AGMO: variants seen among roughly 807,000 people sequenced by gnomAD.
AGMO encodes the protein alkylglycerol monooxygenase, also known as glyceryl-ether monooxygenase.
A neutral mutation model predicts 60.2 loss-of-function variants in AGMO; 75 were observed. The ratio of observed to expected loss-of-function variants is 1.25; its 90% CI spans 1.03 to 1.51. The LOEUF is 1.51. Among genes scored for constraint, AGMO ranks in the 40% most tolerant of loss-of-function variants. AGMO has a pLI of 0.00. For missense variants in AGMO, 763 were observed against 525.5 expected (o/e 1.45, Z -4.42); for synonymous variants, 261 against 177.1 (o/e 1.47, Z -3.76).
At chr7:15,534,572 C>A (rs964784710) in intron 3 of AGMO, among the ~76,000 whole-genome samples, 3 of 151,824 alleles carry the variant, frequency 2.0e-5, no homozygotes, top group African/African-American at 7.2e-5. Context: ...TCTGTGACAA[C>A]TAAAACGTTC....
At chr7:15,393,108 C>G (rs565524342) in intron 6 of AGMO, among the ~76,000 whole-genome samples, 1 of 152,194 alleles carries the variant, frequency 6.6e-6, no homozygotes, top group African/African-American at 2.4e-5. Context: ...AATCATAAAT[C>G]AAGGACTTTC....
chr7:15,195,703 G>C (rs763567133), downstream of AGMO, among the ~76,000 whole-genome samples: 4 of 152,102 alleles, frequency 2.6e-5, no homozygotes, highest in Non-Finnish European at 4.4e-5. Flanking sequence ...ACTGCAGCTT[G>C]ATTTTACAGA....
chr7:15,241,134 C>T (rs1782574788), intron 12 of AGMO, among the ~76,000 whole-genome samples: 1 of 152,112 alleles, frequency 6.6e-6, no homozygotes, highest in Admixed American at 6.6e-5. Context: ...TGCGCTCACT[C>T]TGGTAGGTAT....
At chr7:15,250,182 C>G (rs537174403) in intron 12 of AGMO, among the ~76,000 whole-genome samples, 5 of 152,216 alleles carry the variant, frequency 3.3e-5, no homozygotes, top group Admixed American at 3.3e-4. Context: ...CCTAGTTGAT[C>G]CCTATAAATG....
At chr7:15,281,382 T>TG (rs531237730) in intron 12 of AGMO, among the ~76,000 whole-genome samples, 212 of 152,264 alleles carry the variant, frequency 1.4e-3, no homozygotes, top group African/African-American at 4.8e-3. Flanking sequence ...CTTCAGGGTG[T>TG]GGCTGCATCT....
At chr7:15,315,731 C>T (rs1780904084) in intron 12 of AGMO, among the ~76,000 whole-genome samples, 1 of 152,058 alleles carries the variant, frequency 6.6e-6, no homozygotes, top group Non-Finnish European at 1.5e-5. Context: ...ATGAGTTACT[C>T]TGGTTGCATA....
the AGMO span, among the ~76,000 whole-genome samples, chr7:15,144,151 C>G: frequency 6.6e-5 from 10 of 152,068 alleles, no homozygotes; most frequent in Admixed American, 4.6e-4. Flanking sequence ...ACCTGTCAGA[C>G]CAGAAAGGCA....
chr7:15,560,512 A>T (rs1057266680), intron 1 of AGMO, among the ~76,000 whole-genome samples: 1 of 152,176 alleles, frequency 6.6e-6, no homozygotes, highest in Non-Finnish European at 1.5e-5. Context: ...GTAATCATAG[A>T]TATAACCACG....
intron 3 of AGMO, among the ~76,000 whole-genome samples, chr7:15,438,025 T>C (rs1781448582): frequency 6.6e-6 from 1 of 152,152 alleles, no homozygotes; most frequent in Admixed American, 6.6e-5. Flanking sequence ...TTTTAAGTTC[T>C]AGTATGCAGA....
intron 12 of AGMO, among the ~76,000 whole-genome samples, chr7:15,283,348 A>G (rs371832826): frequency 1.6e-4 from 25 of 152,062 alleles, no homozygotes; most frequent in African/African-American, 6.0e-4. Context: ...TTCATCTAAC[A>G]TATAAAGATT....
At chr7:15,389,704 C>T (rs1472462711) in intron 8 of AGMO, among the ~76,000 whole-genome samples, 1 of 152,152 alleles carries the variant, frequency 6.6e-6, no homozygotes, top group African/African-American at 2.4e-5. Flanking sequence ...TTACAGCTAA[C>T]AAGTTTTCAA....
At chr7:15,344,063 A>G (rs75674922) in intron 12 of AGMO, among the ~76,000 whole-genome samples, 12,412 of 152,234 alleles carry the variant, frequency 0.082, 651 homozygotes, top group Non-Finnish European at 0.1. Context: ...GGGGATTGAT[A>G]TAAATTAAAA....
chr7:15,532,402 T>A (rs1784392405), intron 3 of AGMO, among the ~76,000 whole-genome samples: 1 of 152,218 alleles, frequency 6.6e-6, no homozygotes, highest in African/African-American at 2.4e-5. Flanking sequence ...TTGGGCAAGT[T>A]GCTTAAATTT....
At chr7:15,353,654 T>C (rs1782343250) in intron 12 of AGMO, among the ~76,000 whole-genome samples, 1 of 152,232 alleles carries the variant, frequency 6.6e-6, no homozygotes, top group African/African-American at 2.4e-5. Flanking sequence ...TTGCAGTATG[T>C]GTGAATCAGA....
At chr7:15,547,681 G>C (rs58166043) in intron 2 of AGMO, among the ~76,000 whole-genome samples, 3 of 151,936 alleles carry the variant, frequency 2.0e-5, no homozygotes, top group South Asian at 2.1e-4. Flanking sequence ...ACGGAGTCTC[G>C]CTGATTGCTA....
At chr7:15,237,988 T>C (rs1188198749) in intron 12 of AGMO, among the ~76,000 whole-genome samples, 2 of 152,110 alleles carry the variant, frequency 1.3e-5, no homozygotes, top group African/African-American at 2.4e-5. Context: ...AAGCCTAACT[T>C]TGATTAGTCC....
At chr7:15,464,163 A>G (rs1782217519) in intron 3 of AGMO, among the ~76,000 whole-genome samples, 1 of 152,166 alleles carries the variant, frequency 6.6e-6, no homozygotes, top group South Asian at 2.1e-4. Flanking sequence ...ACAGAAATAA[A>G]TGCACACCCA....
At chr7:15,130,931 T>C in the AGMO span, among the ~76,000 whole-genome samples, 1 of 152,264 alleles carries the variant, frequency 6.6e-6, no homozygotes, top group South Asian at 2.1e-4. Flanking sequence ...TCCTTTAACA[T>C]AGAACCTTGG....
intron 3 of AGMO, among the ~76,000 whole-genome samples, chr7:15,531,207 C>CTATA (rs1433858473): frequency 4.8e-5 from 3 of 62,994 alleles, no homozygotes; most frequent in Non-Finnish European, 8.2e-5. Context: ...TATATATATT[C>CTATA]TATATATTCT....
Sources: allele counts gnomAD v4.1 joint callset (sites outside exome capture counted in the v4.1 genomes callset), GRCh38; gene constraint gnomAD v4.1.1; transcripts MANE v1.5; gene names NCBI Gene and HGNC (gene_info 2026-07-23, HGNC 2026-07-21).